The following PCDH11X variants were observed in gnomAD, a reference collection of about 807,000 sequenced individuals.
The protein encoded by PCDH11X is protocadherin-11 X-linked.
A neutral mutation model predicts 53.3 loss-of-function variants in PCDH11X; 18 were observed. The ratio of observed to expected loss-of-function variants is 0.34; its 90% CI spans 0.23 to 0.50. The LOEUF (loss-of-function observed/expected upper bound fraction) is 0.50. Ranked by LOEUF, PCDH11X falls within the 20% of genes least tolerant of loss-of-function variation. PCDH11X has a pLI of 0.98. For missense variants in PCDH11X, 570 were observed against 1,032.4 expected (o/e 0.55, Z 6.14); for synonymous variants, 279 against 393.3 (o/e 0.71, Z 3.44).
intron 6 of PCDH11X, among the ~76,000 whole-genome samples, chrX:92,036,945 G>C (rs1288963888): frequency 8.9e-6 from 1 of 111,894 alleles, no homozygotes; most frequent in Non-Finnish European, 1.9e-5. Flanking sequence ...GTTTTAGCAA[G>C]GGGACTGGCG....
chrX:92,524,728 C>T (rs1362443659), intron 10 of PCDH11X, among the ~76,000 whole-genome samples: 1 of 110,993 alleles, frequency 9.0e-6, no homozygotes, highest in East Asian at 2.8e-4. Flanking sequence ...AATCTCTTGC[C>T]ATTCTGTGAC....
intron 10 of PCDH11X, among the ~76,000 whole-genome samples, chrX:92,561,509 A>C (rs1348838175): frequency 2.2e-5 from 2 of 89,711 alleles, no homozygotes; most frequent in Non-Finnish European, 4.4e-5. Flanking sequence ...TTCAATTGAC[A>C]TACTGAAGAA....
chrX:92,129,721 C>A (rs2148193408), intron 6 of PCDH11X, among the ~76,000 whole-genome samples: 1 of 111,420 alleles, frequency 9.0e-6, no homozygotes, highest in Non-Finnish European at 1.9e-5. Context: ...CCTCCCTTCT[C>A]TTAAGAGAGA....
chrX:91,995,892 C>T (rs1242170180), intron 6 of PCDH11X, among the ~76,000 whole-genome samples: 2 of 105,121 alleles, frequency 1.9e-5, no homozygotes, highest in East Asian at 6.0e-4. Context: ...CTCTGTCATC[C>T]AGGCTGGAGT....
chrX:91,988,725 G>C (rs1165016745), intron 6 of PCDH11X, among the ~76,000 whole-genome samples: 1 of 112,206 alleles, frequency 8.9e-6, no homozygotes, highest in Non-Finnish European at 1.9e-5. Context: ...ACTGCTCCTG[G>C]CTGTCATGTG....
At chrX:92,604,128 T>G (rs2148810827) in intron 10 of PCDH11X, among the ~76,000 whole-genome samples, 1 of 109,039 alleles carries the variant, frequency 9.2e-6, no homozygotes, top group South Asian at 3.9e-4. Flanking sequence ...TGATACCAGA[T>G]TATAACTAGA....
At chrX:92,605,516 A>T (rs1478223926) in intron 10 of PCDH11X, among the ~76,000 whole-genome samples, 1 of 111,924 alleles carries the variant, frequency 8.9e-6, no homozygotes, top group East Asian at 2.8e-4. Context: ...AAACATCCAG[A>T]TTGCAAAGAA....
chrX:92,485,585 A>T (rs2073625101), intron 10 of PCDH11X, among the ~76,000 whole-genome samples: 1 of 111,959 alleles, frequency 8.9e-6, no homozygotes, highest in South Asian at 3.7e-4. Context: ...GCATAATAAT[A>T]GAAAGATTGA....
intron 10 of PCDH11X, among the ~76,000 whole-genome samples, chrX:92,497,854 G>A (rs781245531): frequency 1.7e-4 from 19 of 110,807 alleles, no homozygotes; most frequent in African/African-American, 5.6e-4. Context: ...CTAAACAGCT[G>A]TCTTAAATTA....
At chrX:92,363,091 C>T (rs1374002513) in intron 8 of PCDH11X, among the ~76,000 whole-genome samples, 2 of 110,982 alleles carry the variant, frequency 1.8e-5, no homozygotes, top group Admixed American at 1.9e-4. Flanking sequence ...AAATGTGAGA[C>T]TTTTTACTTT....
At position 92,101,958 on chromosome X, in the gene PCDH11X, C is replaced by T. The variant is rs1160900397; in HGVS notation, c.3034-99417C>T. Among the ~76,000 whole-genome samples, 4 of 111,860 alleles carry T rather than the reference C, an allele frequency of 3.6e-5. 1 individual carries two copies. Among genetic ancestry groups the T allele is most frequent in the South Asian group, 7.4e-4 (2 of 2,705 alleles). On this transcript the variant is annotated intron_variant, in intron 6 of 10. Coordinates refer to ENST00000682573, the MANE Select transcript of PCDH11X (RefSeq NM_032968.5). ...TGTACTATAGCATAGCCTGCCTTTG[C>T]TGGTATGTGGCGATTAGGCCTGGTG...
intron 4 of PCDH11X, among the ~76,000 whole-genome samples, chrX:91,821,138 A>T (rs1432134276): frequency 9.4e-6 from 1 of 106,637 alleles, no homozygotes; most frequent in Non-Finnish European, 1.9e-5. Flanking sequence ...TTGGCTTAGG[A>T]TTGACTTGGC....
At chrX:91,805,519 A>T (rs984456037) in intron 1 of PCDH11X, among the ~76,000 whole-genome samples, 2 of 111,678 alleles carry the variant, frequency 1.8e-5, no homozygotes, top group Non-Finnish European at 3.8e-5. Context: ...GTTTCACACT[A>T]AAATGAGTGA....
chrX:92,392,257 A>G (rs2071146434), intron 9 of PCDH11X, among the ~76,000 whole-genome samples: 1 of 111,413 alleles, frequency 9.0e-6, no homozygotes, highest in Non-Finnish European at 1.9e-5. Context: ...AAGAACATTT[A>G]GGGCTAAAAA....
intron 6 of PCDH11X, among the ~76,000 whole-genome samples, chrX:92,065,989 T>C (rs1470545674): frequency 8.9e-6 from 1 of 111,862 alleles, no homozygotes; most frequent in South Asian, 3.7e-4. Context: ...TTCATAGTCT[T>C]AGATTTAAGT....
intron 10 of PCDH11X, among the ~76,000 whole-genome samples, chrX:92,490,841 C>T (rs1412287399): frequency 1.8e-5 from 2 of 110,226 alleles, no homozygotes; most frequent in Admixed American, 2.0e-4. Flanking sequence ...AGCAAGCAAG[C>T]GGGCATTTGG....
At chrX:92,443,317 G>C (rs969660075) in intron 9 of PCDH11X, among the ~76,000 whole-genome samples, 3 of 111,262 alleles carry the variant, frequency 2.7e-5, no homozygotes, top group African/African-American at 9.8e-5. Flanking sequence ...GTATGTTCAT[G>C]TCCATTGTCT....
At chrX:91,832,093 C>T (rs1351265169) in intron 4 of PCDH11X, among the ~76,000 whole-genome samples, 2 of 107,281 alleles carry the variant, frequency 1.9e-5, no homozygotes, top group African/African-American at 6.8e-5. Context: ...GGCAATTCCT[C>T]AAGGATCTAG....
At chrX:91,945,048 CATAT>C (rs754168068) in intron 6 of PCDH11X, among the ~76,000 whole-genome samples, 665 of 63,215 alleles carry the variant, frequency 0.011, 38 homozygotes, top group African/African-American at 0.032. Context: ...ACATCATATA[CATAT>C]ATATATATAT....
Sources: gnomAD v4.1 joint callset for allele counts (sites outside exome capture counted in the v4.1 genomes callset) on GRCh38, gnomAD v4.1.1 for gene constraint, MANE v1.5 for transcripts, NCBI Gene and HGNC (gene_info 2026-07-23, HGNC 2026-07-21) for gene names.